VIPR1: variants seen among roughly 807,000 people sequenced by gnomAD.
The protein encoded by VIPR1 is vasoactive intestinal polypeptide receptor 1.
In VIPR1, 59 loss-of-function variants were observed where a neutral mutation model predicts 58.8. The ratio of observed to expected loss-of-function variants is 1.00; its 90% CI spans 0.81 to 1.25. VIPR1 has a LOEUF of 1.25. Among genes scored for constraint, VIPR1 ranks in the 50% most tolerant of loss-of-function variants. The probability of loss-of-function intolerance (pLI) is 0.00; values close to 1 mark genes in which losing one functional copy is unlikely to be tolerated. For synonymous variants in VIPR1, 251 were observed against 242.1 expected (o/e 1.04, Z -0.34); for missense variants, 626 against 602.7 (o/e 1.04, Z -0.40).
Position 42,490,733 on chromosome 3 carries a change from G to T in VIPR1, c.-245+1055G>T, listed in dbSNP as rs1315664635. 6.2e-4 allele frequency among the ~76,000 whole-genome samples: 95 copies of T among 152,088 alleles called. 1 individual carries two copies. Among genetic ancestry groups the T allele is most frequent in the Non-Finnish European group, 2.1e-4 (14 of 68,018 alleles). On this transcript the variant is annotated intron_variant, in intron 1 of 13. Transcript: ENST00000433647. ...AGAGGTTTAGGAGTTGGGGGGAAGGGAGCAGTTTGCAGTATTAAGGAGGGG... is the reference window on the plus strand; with the variant it reads ...AGAGGTTTAGGAGTTGGGGGGAAGGTAGCAGTTTGCAGTATTAAGGAGGGG...
At position 42,527,444 on chromosome 3, in the gene VIPR1, G is replaced by C; in HGVS notation, c.451G>C (p.Gly151Arg). 6.2e-7 allele frequency: 1 copy of C among 1,613,814 alleles called. No homozygotes were observed. The highest frequency in any genetic ancestry group is 8.5e-7 in the Non-Finnish European group (1 of 1,179,940). The part of the protein sequence containing the change: ...SVKTGYTIGY[G>R]LSLATLLVAT... ...GAAGACCGGCTACACCATTGGCTACGGCCTGTCCCTCGCCACCCTTCTGGT... is the reference window on the plus strand; with the variant it reads ...GAAGACCGGCTACACCATTGGCTACCGCCTGTCCCTCGCCACCCTTCTGGT... The change falls in exon 5 of 13, where the codon GGC becomes CGC. Residue 151 changes from glycine (G) to arginine (R), a missense_variant. Transcript: ENST00000325123.
At chr3:42,531,037 T>C in intron 7 of VIPR1, 105 bp downstream of exon 7, 2 of 1,406,142 alleles carry the variant, frequency 1.4e-6, no homozygotes, top group Non-Finnish European at 1.9e-6. Context: ...ACGTCTTGCT[T>C]AGCTGCAGGT....
intron 8 of VIPR1, 33 bp from the exon 9 acceptor site, chr3:42,531,770 A>G: frequency 6.2e-7 from 1 of 1,613,772 alleles, no homozygotes; most frequent in South Asian, 1.1e-5. Flanking sequence ...GGCTGAGGAC[A>G]ATCCCTCTCA....
In VIPR1 at chr3:42,502,737, T is replaced by TG; in HGVS notation, c.3dup (p.Arg2_?1). 7.6e-7 allele frequency: 1 copy of TG among 1,319,766 alleles called. No homozygotes were observed. The highest frequency in any genetic ancestry group is 9.6e-7 in the Non-Finnish European group (1 of 1,037,958). 81.8% of individuals were successfully genotyped at this position (1,319,766 alleles called of 1,614,324 possible). A position where few individuals can be genotyped will look rare whatever the true frequency, so the allele number is the denominator to read the frequency against. On this transcript the variant is annotated frameshift_variant and start_lost, in exon 1 of 13. Coordinates refer to ENST00000325123, the MANE Select transcript of VIPR1 (RefSeq NM_004624.4). LOFTEE classifies it high-confidence loss of function. ...CCCGCCGCGGGCTCAGGGCAGACCA[T>TG]GCGCCCGCCAAGTCCGCTGCCCGCC... is the stretch of plus-strand genomic sequence containing the variant.
At chr3:42,507,193 G>C (rs929157835) in intron 1 of VIPR1, 3 of 152,152 alleles carry the variant, frequency 2.0e-5, no homozygotes, top group African/African-American at 7.2e-5. Flanking sequence ...AATATCCCCA[G>C]CCGGAATGTA....
intron 1 of VIPR1, chr3:42,509,725 T>A (rs566766741): frequency 1.3e-5 from 2 of 152,336 alleles, no homozygotes; most frequent in African/African-American, 4.8e-5. Context: ...ATCTTCTCCA[T>A]CCTGGTCTTC....
At chr3:42,510,018 C>T (rs1299127910) in intron 1 of VIPR1, among the ~76,000 whole-genome samples, 1 of 152,188 alleles carries the variant, frequency 6.6e-6, no homozygotes, top group Non-Finnish European at 1.5e-5. Flanking sequence ...TCTCTGTTGG[C>T]CCCCATGGCC....
rs1412742794 is a variant in VIPR1 at position 42,527,401 on chromosome 3, C to T, written c.408C>T (p.Thr136=). 6.2e-7 allele frequency: 1 copy of T among 1,613,652 alleles called. No individual in the cohort carries two copies. The highest frequency in any genetic ancestry group is 8.5e-7 in the Non-Finnish European group (1 of 1,179,840). ...DKAASLDEQQ[T]MFYGSVKTGY... ...CCCTGTCCCTCCAACAGCAGCAGAC[C>T]ATGTTCTACGGTTCTGTGAAGACCG... The change falls in exon 5 of 13, where the codon ACC becomes ACT. Residue 136 remains threonine (T), a synonymous_variant. Coordinates refer to ENST00000325123, the MANE Select transcript of VIPR1 (RefSeq NM_004624.4).
intron 1 of VIPR1, among the ~76,000 whole-genome samples, chr3:42,504,860 C>T (rs374177859): frequency 6.0e-5 from 9 of 149,806 alleles, no homozygotes; most frequent in Admixed American, 2.0e-4. Flanking sequence ...TTTATGGTGC[C>T]CTGACTTCAG....
chr3:42,531,304 G>A (rs904333564), intron 7 of VIPR1, 167 bp from the exon 8 acceptor site: 1 of 701,114 alleles, frequency 1.4e-6, no homozygotes, highest in Non-Finnish European at 2.5e-6. Flanking sequence ...CCTCAGTGGA[G>A]CATCCCTCCG....
At position 42,530,809 on chromosome 3, in the gene VIPR1, C is replaced by T. The variant is rs771232178; in HGVS notation, c.667C>T (p.Gln223Ter). The T allele has an allele frequency of 1.2e-6, 2 of 1,614,068 alleles. No homozygotes were observed. The highest frequency in any genetic ancestry group is 2.2e-5 in the South Asian group (2 of 91,084). The stretch of plus-strand genomic sequence containing the variant: ...CTGTAAGGCAGCCATGGTCTTTTTC[C>T]AATATTGTGTCATGGCTAACTTCTT... ...VGCKAAMVFF[Q>*]YCVMANFFWL... Residue 223 changes from glutamine (Q) to a stop codon, truncating the protein, a stop_gained, in exon 7 of 13, where the codon CAA becomes TAA. Transcript: ENST00000325123. LOFTEE classifies it high-confidence loss of function.
chr3:42,508,179 G>A (rs1700205166), intron 1 of VIPR1, among the ~76,000 whole-genome samples: 1 of 152,188 alleles, frequency 6.6e-6, no homozygotes, highest in Non-Finnish European at 1.5e-5. Flanking sequence ...GACAGCAGGG[G>A]CAGCCTGGCA....
At chr3:42,523,092 C>CTG (rs1553638540) in intron 3 of VIPR1, among the ~76,000 whole-genome samples, 5 of 151,392 alleles carry the variant, frequency 3.3e-5, no homozygotes, top group Admixed American at 3.3e-4. Context: ...TGACCCCGCC[C>CTG]CCAGTGGAGT....
intron 1 of VIPR1, among the ~76,000 whole-genome samples, chr3:42,509,532 G>A (rs1700268822): frequency 6.6e-6 from 1 of 152,196 alleles, no homozygotes; most frequent in African/African-American, 2.4e-5. Flanking sequence ...TTTCTCTCTA[G>A]CCCCTCACCA....
intron 1 of VIPR1, chr3:42,512,312 C>G (rs1700398777): frequency 6.6e-6 from 1 of 152,234 alleles, no homozygotes. Flanking sequence ...AATGAGAGAG[C>G]TGTTTGGGGT....
rs1028744066 is a variant in VIPR1, at chr3:42,537,321, C to A, written c.*1040C>A. 4 of 152,246 alleles carry A rather than the reference C, an allele frequency of 2.6e-5. No homozygotes were observed. The highest frequency in any genetic ancestry group is 9.6e-5 in the African/African-American group (4 of 41,456). The allele number at this position is 152,246 out of a possible 1,614,324, so 9.4% of individuals were successfully genotyped here. On this transcript the variant is annotated 3_prime_UTR_variant, in exon 13 of 13. Coordinates refer to ENST00000325123, the MANE Select transcript of VIPR1 (RefSeq NM_004624.4). Reference sequence around the variant, plus strand: ...TGTGTATCGTAACCAGCCAGATCCTCTTGGTTATTTGTTTACCACTTGTAT... The same window carrying A: ...TGTGTATCGTAACCAGCCAGATCCTATTGGTTATTTGTTTACCACTTGTAT...
intron 1 of VIPR1, among the ~76,000 whole-genome samples, chr3:42,504,985 C>G (rs7628235): frequency 0.091 from 13,816 of 151,564 alleles, 1,687 homozygotes; most frequent in African/African-American, 0.28. Flanking sequence ...ACCTGTCAAG[C>G]CTTCCACTGC....
chr3:42,529,176 A>G (rs546359389), intron 6 of VIPR1, among the ~76,000 whole-genome samples: 1 of 152,350 alleles, frequency 6.6e-6, no homozygotes, highest in South Asian at 2.1e-4. Context: ...AGTTATGGCC[A>G]GACGCGGATT....
At chr3:42,504,852 T>G (rs1163944527) in intron 1 of VIPR1, among the ~76,000 whole-genome samples, 16 of 146,620 alleles carry the variant, frequency 1.1e-4, no homozygotes, top group African/African-American at 4.1e-4. Context: ...CACTCCTGTT[T>G]ATGGTGCCCT....
Sources: allele counts gnomAD v4.1 joint callset (sites outside exome capture counted in the v4.1 genomes callset), GRCh38; gene constraint gnomAD v4.1.1; transcripts MANE v1.5; gene names NCBI Gene and HGNC (gene_info 2026-07-23, HGNC 2026-07-21).